Variants in EXOC4 observed in about 807,000 individuals in gnomAD.
The protein encoded by EXOC4 is SEC8-like 1.
Under a neutral mutation model 107.2 loss-of-function variants are expected in EXOC4, and 71 were observed. The observed-to-expected ratio is 0.66, with a 90% confidence interval of 0.55 to 0.81. The LOEUF is 0.81. EXOC4 is among the 30% of genes least tolerant of loss of function. The pLI, the probability that EXOC4 is intolerant of heterozygous loss-of-function variation, is 0.00. For missense variants in EXOC4, 1,108 were observed against 1,189.6 expected (o/e 0.93, Z 1.01); for synonymous variants, 456 against 441.2 (o/e 1.03, Z -0.42).
chr7:133,842,332 A>G (rs899469629), intron 11 of EXOC4, among the ~76,000 whole-genome samples: 2 of 152,170 alleles, frequency 1.3e-5, no homozygotes, highest in Non-Finnish European at 2.9e-5. Flanking sequence ...ACTTTTTAGT[A>G]GTAGCCATTC....
At chr7:133,979,377 C>G (rs1007292925) in intron 14 of EXOC4, among the ~76,000 whole-genome samples, 11 of 152,104 alleles carry the variant, frequency 7.2e-5, no homozygotes, top group Non-Finnish European at 2.9e-5. Context: ...AGGAAATAAA[C>G]GGCGGTCAGG....
In EXOC4 at chr7:133,706,613, T is replaced by C. The variant is rs562815664; in HGVS notation, c.1514+76472T>C. Among the ~76,000 whole-genome samples, 406 of 152,370 alleles carry C rather than the reference T, an allele frequency of 2.7e-3. 1 individual carries two copies. Among genetic ancestry groups the C allele is most frequent in the Non-Finnish European group, 3.3e-3 (227 of 68,034 alleles). ...TTTATTGCACCCAGTACATCCAAAA[T>C]ACTATCTCTTCAATCTGTAATCAAT... On this transcript the variant is annotated intron_variant, in intron 10 of 17. Coordinates refer to ENST00000253861, the MANE Select transcript of EXOC4 (RefSeq NM_021807.4).
At chr7:133,463,958 C>T (rs2150829096) in intron 7 of EXOC4, among the ~76,000 whole-genome samples, 1 of 152,110 alleles carries the variant, frequency 6.6e-6, no homozygotes, top group African/African-American at 2.4e-5. Flanking sequence ...ATAGTACTAG[C>T]AAATAGATAA....
intron 14 of EXOC4, among the ~76,000 whole-genome samples, chr7:133,963,868 A>T (rs926114481): frequency 1.3e-5 from 2 of 152,168 alleles, no homozygotes; most frequent in African/African-American, 2.4e-5. Context: ...ATAAGACATG[A>T]GTTAAATTAA....
chr7:133,781,693 C>G (rs73152983), intron 10 of EXOC4, among the ~76,000 whole-genome samples: 9 of 152,130 alleles, frequency 5.9e-5, no homozygotes, highest in African/African-American at 2.2e-4. Flanking sequence ...CTGCCTTGCA[C>G]TGGGCCTTCT....
At chr7:133,591,232 A>G (rs1293706520) in intron 9 of EXOC4, among the ~76,000 whole-genome samples, 2 of 151,966 alleles carry the variant, frequency 1.3e-5, no homozygotes, top group Non-Finnish European at 1.5e-5. Flanking sequence ...GAATCTCACT[A>G]TTTTCCCCAT....
At chr7:133,602,571 A>G (rs1208366371) in intron 9 of EXOC4, among the ~76,000 whole-genome samples, 1 of 152,222 alleles carries the variant, frequency 6.6e-6, no homozygotes, top group Non-Finnish European at 1.5e-5. Context: ...AGGGTTTCTG[A>G]TGTGACTACA....
chr7:133,963,215 T>A (rs903171063), intron 14 of EXOC4, among the ~76,000 whole-genome samples: 10 of 152,344 alleles, frequency 6.6e-5, no homozygotes, highest in African/African-American at 2.2e-4. Flanking sequence ...GTTGTTGGGG[T>A]GCTCCCATTT....
chr7:133,450,427 T>C (rs909539547), intron 7 of EXOC4, among the ~76,000 whole-genome samples: 3 of 152,178 alleles, frequency 2.0e-5, no homozygotes, highest in Non-Finnish European at 2.9e-5. Flanking sequence ...CCTCCCAAAG[T>C]ACTGGGATTA....
At chr7:133,939,163 A>G (rs922014570) in intron 14 of EXOC4, among the ~76,000 whole-genome samples, 1 of 152,228 alleles carries the variant, frequency 6.6e-6, no homozygotes, top group Non-Finnish European at 1.5e-5. Context: ...TATTAGGGCT[A>G]TTAGACAGTT....
chr7:133,895,851 A>G (rs981916382), intron 12 of EXOC4, 116 bp downstream of exon 12: 22 of 1,117,490 alleles, frequency 2.0e-5, no homozygotes, highest in Non-Finnish European at 2.8e-5. Context: ...GTTTGTCAAG[A>G]GATGAGAACA....
chr7:133,455,492 C>A (rs73724591), intron 7 of EXOC4, among the ~76,000 whole-genome samples: 1 of 151,970 alleles, frequency 6.6e-6, no homozygotes, highest in Non-Finnish European at 1.5e-5. Flanking sequence ...AGATTTTAAT[C>A]GTAGATTTTC....
chr7:133,447,707 T>C (rs1798250632), intron 7 of EXOC4, among the ~76,000 whole-genome samples: 1 of 152,060 alleles, frequency 6.6e-6, no homozygotes, highest in Non-Finnish European at 1.5e-5. Context: ...CCCAGAATCC[T>C]TTATCCCAGG....
At chr7:133,346,798 TTTTGTGTAA>T (rs1795792316) in intron 5 of EXOC4, among the ~76,000 whole-genome samples, 1 of 152,212 alleles carries the variant, frequency 6.6e-6, no homozygotes. Flanking sequence ...TATACGTGAT[TTTTGTGTAA>T]TTTGTGTATC....
At chr7:133,659,241 T>A (rs4731973) in intron 10 of EXOC4, among the ~76,000 whole-genome samples, 8 of 152,052 alleles carry the variant, frequency 5.3e-5, no homozygotes, top group Non-Finnish European at 1.2e-4. Context: ...CTTTCTAATG[T>A]GGATAGTAGT....
At chr7:133,530,834 A>G (rs1800168354) in intron 9 of EXOC4, among the ~76,000 whole-genome samples, 1 of 152,204 alleles carries the variant, frequency 6.6e-6, no homozygotes, top group Admixed American at 6.5e-5. Context: ...GTCAAAGGGA[A>G]TGTGAAGGAT....
chr7:133,785,240 G>C (rs1052685961), intron 10 of EXOC4, among the ~76,000 whole-genome samples: 1 of 151,938 alleles, frequency 6.6e-6, no homozygotes, highest in Admixed American at 6.6e-5. Context: ...GTAATTTCTA[G>C]AATTAAAGCA....
intron 7 of EXOC4, among the ~76,000 whole-genome samples, chr7:133,412,090 C>G (rs2078661465): frequency 6.6e-6 from 1 of 151,940 alleles, no homozygotes; most frequent in Non-Finnish European, 1.5e-5. Context: ...TCGAGTGGAT[C>G]ACTAAATAAT....
intron 1 of EXOC4, among the ~76,000 whole-genome samples, chr7:133,265,000 G>T (rs1175815679): frequency 2.6e-5 from 4 of 151,998 alleles, no homozygotes; most frequent in Non-Finnish European, 5.9e-5. Flanking sequence ...GTGAAATTAG[G>T]GCTGAATAGA....
Sources: gnomAD v4.1 joint callset for allele counts (sites outside exome capture counted in the v4.1 genomes callset) on GRCh38, gnomAD v4.1.1 for gene constraint, MANE v1.5 for transcripts, NCBI Gene and HGNC (gene_info 2026-07-23, HGNC 2026-07-21) for gene names.